The following SCAPER variants were observed in gnomAD, a reference collection of about 807,000 sequenced individuals.
The protein encoded by SCAPER is S-phase cyclin A associated protein in the ER.
A neutral mutation model predicts 182.2 loss-of-function variants in SCAPER; 98 were observed. That is an observed-to-expected ratio of 0.54 (90% CI 0.46 to 0.64). The LOEUF (loss-of-function observed/expected upper bound fraction) is 0.64, where lower values mean the gene tolerates loss of function less well. SCAPER is among the 30% of genes least tolerant of loss of function. The pLI is 0.00. For synonymous variants in SCAPER, 605 were observed against 564.6 expected, an observed-to-expected ratio of 1.07 and a Z score of -1.01; for missense variants, 1,432 against 1,690.0, an observed-to-expected ratio of 0.85 and a Z score of 2.68.
intron 20 of SCAPER, among the ~76,000 whole-genome samples, chr15:76,692,568 A>T (rs2147145357): frequency 6.6e-6 from 1 of 152,088 alleles, no homozygotes; most frequent in South Asian, 2.1e-4. Context: ...GCATGTCTGT[A>T]ATCCCAGCTA....
chr15:76,699,342 G>T (rs951390527), intron 20 of SCAPER, among the ~76,000 whole-genome samples: 3 of 152,138 alleles, frequency 2.0e-5, no homozygotes, highest in Non-Finnish European at 4.4e-5. Context: ...TCTCGTTCCA[G>T]TTCTCAAGGG....
intron 27 of SCAPER, among the ~76,000 whole-genome samples, chr15:76,384,894 A>G (rs1303527737): frequency 6.6e-6 from 1 of 152,232 alleles, no homozygotes; most frequent in Non-Finnish European, 1.5e-5. Context: ...CTAAATGTTT[A>G]TAAGAAAAAA....
intron 26 of SCAPER, among the ~76,000 whole-genome samples, chr15:76,410,683 C>A (rs2045222343): frequency 6.6e-6 from 1 of 152,154 alleles, no homozygotes; most frequent in Non-Finnish European, 1.5e-5. Context: ...CAAGGCCTGA[C>A]CTGAGTCTCA....
chr15:76,868,540 C>T (rs1280139831), intron 2 of SCAPER, among the ~76,000 whole-genome samples: 4 of 151,916 alleles, frequency 2.6e-5, no homozygotes, highest in Admixed American at 6.6e-5. Flanking sequence ...ATCCCATTTA[C>T]GATAGTTACA....
intron 24 of SCAPER, among the ~76,000 whole-genome samples, chr15:76,487,143 G>A (rs547869998): frequency 5.9e-5 from 9 of 152,184 alleles, no homozygotes; most frequent in African/African-American, 2.2e-4. Flanking sequence ...GAGAACACAT[G>A]GACACACAGA....
chr15:76,891,361 G>A (rs2074154378), intron 1 of SCAPER, among the ~76,000 whole-genome samples: 1 of 152,150 alleles, frequency 6.6e-6, no homozygotes. Flanking sequence ...ATTCAATTAG[G>A]AAGAGAGGAA....
At chr15:76,729,275 C>G (rs1241136597) in intron 16 of SCAPER, among the ~76,000 whole-genome samples, 1 of 134,264 alleles carries the variant, frequency 7.4e-6, no homozygotes, top group Non-Finnish European at 1.5e-5. Context: ...TATATACACA[C>G]ACACACATAT....
At position 76,461,595 on chromosome 15, in the gene SCAPER, T is replaced by C. The variant is rs531995683; in HGVS notation, c.3078+9617A>G. ...TAAATTTCTGTTTGATTCTTTATTA[T>C]GTTTTTACTTCTGTGATATTTCATA... On this transcript the variant is annotated intron_variant, in intron 25 of 31. Transcript: ENST00000563290. Among the ~76,000 whole-genome samples, 3 of 152,288 alleles carry C rather than the reference T, an allele frequency of 2.0e-5. No homozygotes were observed. In the South Asian group the frequency reaches 6.2e-4, roughly 32 times the overall value.
chr15:76,633,708 T>G (rs1421764518), intron 21 of SCAPER, among the ~76,000 whole-genome samples: 1 of 152,156 alleles, frequency 6.6e-6, no homozygotes, highest in Non-Finnish European at 1.5e-5. Flanking sequence ...GGCCACAAAC[T>G]ATCCCAGCCA....
chr15:76,815,037 A>C (rs2066951332), intron 5 of SCAPER, among the ~76,000 whole-genome samples: 1 of 81,860 alleles, frequency 1.2e-5, no homozygotes, highest in South Asian at 6.0e-4. Context: ...ATCATCATGG[A>C]AATGCAAATT....
At chr15:76,625,117 G>C (rs1342561737) in intron 21 of SCAPER, among the ~76,000 whole-genome samples, 1 of 152,104 alleles carries the variant, frequency 6.6e-6, no homozygotes, top group Non-Finnish European at 1.5e-5. Context: ...CCAGGCCCCT[G>C]GGCAACATGC....
chr15:76,599,972 G>A (rs924711106), intron 22 of SCAPER, among the ~76,000 whole-genome samples: 4 of 121,650 alleles, frequency 3.3e-5, no homozygotes, highest in African/African-American at 1.0e-4. Flanking sequence ...TAACATGCAT[G>A]TTGAAATACT....
rs1225009824 is a variant in SCAPER, at chr15:76,440,907, G to GTTTTTTTTTTTTTTTT, written c.3079-6598_3079-6597insAAAAAAAAAAAAAAAA. On this transcript the variant is annotated intron_variant, in intron 25 of 31. Coordinates refer to ENST00000563290, the MANE Select transcript of SCAPER (RefSeq NM_020843.4). ...ATCTTTTAAAATTATTCCCCTTCTG[G>GTTTTTTTTTTTTTTTT]TTTTTTTTTTGTTTTTTTTTTTTTT... 2.2e-4 allele frequency among the ~76,000 whole-genome samples: 18 copies of GTTTTTTTTTTTTTTTT among 82,848 alleles called. 2 individuals carry two copies. The highest frequency in any genetic ancestry group is 7.9e-4 in the African/African-American group (18 of 22,872). 54.4% of individuals were successfully genotyped at this position (82,848 alleles called of 152,430 possible).
chr15:76,463,922 T>C (rs1486674501), intron 25 of SCAPER, among the ~76,000 whole-genome samples: 1 of 151,822 alleles, frequency 6.6e-6, no homozygotes, highest in African/African-American at 2.4e-5. Context: ...AATTTGCTCA[T>C]CAGTATATTG....
At chr15:76,531,979 T>C (rs2043714216) in intron 23 of SCAPER, among the ~76,000 whole-genome samples, 1 of 152,216 alleles carries the variant, frequency 6.6e-6, no homozygotes, top group Non-Finnish European at 1.5e-5. Flanking sequence ...ATAAAGTCTC[T>C]CCTACTCCCC....
intron 1 of SCAPER, among the ~76,000 whole-genome samples, chr15:76,893,953 A>C (rs1269992668): frequency 1.3e-5 from 2 of 152,212 alleles, no homozygotes; most frequent in African/African-American, 4.8e-5. Flanking sequence ...ACAAAAGCCT[A>C]CATAAAGACA....
At chr15:76,572,913 T>TCACACACACACACA (rs1481190270) in intron 23 of SCAPER, among the ~76,000 whole-genome samples, 1 of 119,380 alleles carries the variant, frequency 8.4e-6, no homozygotes, top group African/African-American at 3.6e-5. Flanking sequence ...TCTCTCTCTC[T>TCACACACACACACA]CTCTCTCACA....
chr15:76,516,175 T>A (rs1031829744), intron 23 of SCAPER, among the ~76,000 whole-genome samples: 1 of 151,402 alleles, frequency 6.6e-6, no homozygotes, highest in Admixed American at 6.6e-5. Flanking sequence ...CTCAGAACTT[T>A]CTTTCTTTCT....
chr15:76,488,687 T>A (rs1463542684), intron 24 of SCAPER, among the ~76,000 whole-genome samples: 2 of 148,888 alleles, frequency 1.3e-5, no homozygotes, highest in Non-Finnish European at 3.0e-5. Context: ...AATTCTTGCG[T>A]GTTGCATCCT....
Sources: allele counts gnomAD v4.1 joint callset (sites outside exome capture counted in the v4.1 genomes callset), GRCh38; gene constraint gnomAD v4.1.1; transcripts MANE v1.5; gene names NCBI Gene and HGNC (gene_info 2026-07-23, HGNC 2026-07-21).